PLGRKT: variants seen among roughly 807,000 people sequenced by gnomAD.
PLGRKT encodes plasminogen receptor (KT).
Under a neutral mutation model 18.5 loss-of-function variants are expected in PLGRKT, and 22 were observed. The observed-to-expected ratio is 1.19, with a 90% confidence interval of 0.85 to 1.70. The LOEUF (loss-of-function observed/expected upper bound fraction) is 1.70, where lower values mean the gene tolerates loss of function less well. Ranked by LOEUF, PLGRKT falls within the 40% of genes most tolerant of loss-of-function variation. The pLI, the probability that PLGRKT is intolerant of heterozygous loss-of-function variation, is 0.00. For missense variants in PLGRKT, 235 were observed against 174.4 expected (o/e 1.35, Z -1.96); for synonymous variants, 72 against 52.8 (o/e 1.36, Z -1.58).
chr9:5,365,100 C>T (rs1039086816), intron 3 of PLGRKT, among the ~76,000 whole-genome samples: 3 of 138,036 alleles, frequency 2.2e-5, no homozygotes, highest in East Asian at 2.1e-4. Flanking sequence ...AACACCCAGA[C>T]ATGATTTCTA....
At chr9:5,362,167 C>T (rs1341639736) in intron 3 of PLGRKT, among the ~76,000 whole-genome samples, 1 of 152,200 alleles carries the variant, frequency 6.6e-6, no homozygotes, top group East Asian at 1.9e-4. Context: ...TTAGCCAAGT[C>T]TCAAATAAAT....
intron 3 of PLGRKT, among the ~76,000 whole-genome samples, chr9:5,396,787 T>A (rs1401043685): frequency 6.6e-6 from 1 of 151,944 alleles, no homozygotes; most frequent in African/African-American, 2.4e-5. Flanking sequence ...AAATGATGCA[T>A]TTTATCATTA....
intron 3 of PLGRKT, among the ~76,000 whole-genome samples, chr9:5,368,710 A>T (rs1216541640): frequency 6.6e-6 from 1 of 152,160 alleles, no homozygotes; most frequent in Non-Finnish European, 1.5e-5. Flanking sequence ...CACCCCCTGA[A>T]TCTAAAACAA....
chr9:5,409,633 G>T (rs989135769), intron 3 of PLGRKT, among the ~76,000 whole-genome samples: 1 of 152,298 alleles, frequency 6.6e-6, no homozygotes, highest in Non-Finnish European at 1.5e-5. Context: ...GAGCAGTTGT[G>T]GGGGCTGAAC....
chr9:5,376,613 A>G (rs1413653763), intron 3 of PLGRKT, among the ~76,000 whole-genome samples: 1 of 152,184 alleles, frequency 6.6e-6, no homozygotes, highest in African/African-American at 2.4e-5. Context: ...CTCAGTAGAA[A>G]CTGTTTTTCT....
chr9:5,369,758 TA>T (rs1374639635), intron 3 of PLGRKT, among the ~76,000 whole-genome samples: 4 of 152,018 alleles, frequency 2.6e-5, no homozygotes, highest in Non-Finnish European at 5.9e-5. Context: ...TGTGTAGCCA[TA>T]AAAAAAGGAT....
chr9:5,419,416 C>T (rs531529521), intron 3 of PLGRKT, among the ~76,000 whole-genome samples: 16 of 152,202 alleles, frequency 1.1e-4, no homozygotes, highest in African/African-American at 3.6e-4. Flanking sequence ...GACCTTTCTC[C>T]GTGGCGTGTT....
intron 2 of PLGRKT, among the ~76,000 whole-genome samples, chr9:5,434,636 C>G (rs567524777): frequency 2.8e-4 from 42 of 149,524 alleles, no homozygotes; most frequent in Non-Finnish European, 5.6e-4. Context: ...CCTGGCCACC[C>G]ATCATCTGGG....
At chr9:5,406,817 C>G (rs1050163115) in intron 3 of PLGRKT, among the ~76,000 whole-genome samples, 1 of 152,154 alleles carries the variant, frequency 6.6e-6, no homozygotes, top group African/African-American at 2.4e-5. Flanking sequence ...GCATTAAAAT[C>G]TCAGAATTCA....
chr9:5,432,597 CG>C (rs1563793272), intron 2 of PLGRKT, among the ~76,000 whole-genome samples: 1 of 151,856 alleles, frequency 6.6e-6, no homozygotes, highest in Admixed American at 6.6e-5. Context: ...CCTCTGGCTC[CG>C]GTGATTCTCC....
At position 5,381,903 on chromosome 9, in the gene PLGRKT, A is replaced by G. The variant is rs893180682; in HGVS notation, c.82-20015T>C. 3 of 984,954 alleles carry G rather than the reference A, an allele frequency of 3.0e-6. No individual in the cohort carries two copies. In the African/African-American group the frequency reaches 5.2e-5, roughly 17 times the overall value. 61.0% of individuals were successfully genotyped at this position (984,954 alleles called of 1,614,324 possible). A position where few individuals can be genotyped will look rare whatever the true frequency, so the allele number is the denominator to read the frequency against. On this transcript the variant is annotated intron_variant, in intron 3 of 5. Transcript: ENST00000223864. Reference sequence around the variant, plus strand: ...TTAAGTTGTACCAAATCACAGAGGGACCACATCATGAGAGGAAGAGTCTGC... The same window carrying G: ...TTAAGTTGTACCAAATCACAGAGGGGCCACATCATGAGAGGAAGAGTCTGC...
At chr9:5,416,932 T>C (rs925227538) in intron 3 of PLGRKT, among the ~76,000 whole-genome samples, 19 of 152,258 alleles carry the variant, frequency 1.2e-4, no homozygotes, top group African/African-American at 4.3e-4. Context: ...TAAAAGTATT[T>C]TCATTAGCTC....
At chr9:5,424,589 T>G (rs1341398053) in intron 3 of PLGRKT, among the ~76,000 whole-genome samples, 1 of 132,790 alleles carries the variant, frequency 7.5e-6, no homozygotes, top group Non-Finnish European at 1.5e-5. Flanking sequence ...CTTATTATAT[T>G]ATACAGTAAT....
chr9:5,380,192 G>A (rs540944182), intron 3 of PLGRKT, among the ~76,000 whole-genome samples: 3 of 151,868 alleles, frequency 2.0e-5, no homozygotes, highest in Admixed American at 2.0e-4. Context: ...GTGAAACCCC[G>A]TCTCTACTAA....
At chr9:5,436,907 T>C (rs1312785917) in intron 1 of PLGRKT, among the ~76,000 whole-genome samples, 3 of 152,232 alleles carry the variant, frequency 2.0e-5, no homozygotes, top group Non-Finnish European at 4.4e-5. Flanking sequence ...GCAATAGGGA[T>C]AACTTTGATT....
chr9:5,388,262 A>AAGTGTGGTTTCCC (rs1273367246), intron 3 of PLGRKT, among the ~76,000 whole-genome samples: 4 of 151,804 alleles, frequency 2.6e-5, no homozygotes, highest in Non-Finnish European at 1.5e-5. Context: ...GACAGGCTGC[A>AAGTGTGGTTTCCC]AGTGTGGTTT....
At chr9:5,419,002 G>C (rs544857237) in intron 3 of PLGRKT, 349 of 577,974 alleles carry the variant, frequency 6.0e-4, no homozygotes, top group Non-Finnish European at 8.8e-4. Flanking sequence ...GGAAGGGCAA[G>C]GCCAAGGGGA....
At chr9:5,401,274 A>G (rs1315311796) in intron 3 of PLGRKT, among the ~76,000 whole-genome samples, 2 of 146,708 alleles carry the variant, frequency 1.4e-5, no homozygotes, top group Non-Finnish European at 3.0e-5. Context: ...GGCAACAAGA[A>G]TTTTAAATAT....
chr9:5,438,130 T>C (rs1156690821), upstream of PLGRKT, among the ~76,000 whole-genome samples: 1 of 152,124 alleles, frequency 6.6e-6, no homozygotes, highest in African/African-American at 2.4e-5. Flanking sequence ...AAGGCCTCTG[T>C]CCCCTCATCT....
Sources: allele counts gnomAD v4.1 joint callset (sites outside exome capture counted in the v4.1 genomes callset), GRCh38; gene constraint gnomAD v4.1.1; transcripts MANE v1.5; gene names NCBI Gene and HGNC (gene_info 2026-07-23, HGNC 2026-07-21).